The following CSMD1 variants were observed in gnomAD, a reference collection of about 807,000 sequenced individuals.
The protein encoded by CSMD1 is CUB and sushi domain-containing protein 1.
In CSMD1, 213 loss-of-function variants were observed where a neutral mutation model predicts 417.5. That is an observed-to-expected ratio of 0.51 (90% CI 0.46 to 0.57). The LOEUF (loss-of-function observed/expected upper bound fraction) is 0.57, where lower values mean the gene tolerates loss of function less well. Ranked by LOEUF, CSMD1 falls within the 20% of genes least tolerant of loss-of-function variation. CSMD1 has a pLI of 0.00. For synonymous variants in CSMD1, 2,862 were observed against 1,736.8 expected (o/e 1.65, Z -16.11); for missense variants, 6,923 against 4,529.7 (o/e 1.53, Z -15.17).
intron 49 of CSMD1, among the ~76,000 whole-genome samples, chr8:3,077,736 C>T (rs1353795904): frequency 6.6e-6 from 1 of 152,244 alleles, no homozygotes; most frequent in Non-Finnish European, 1.5e-5. Context: ...AGCTGCTCTT[C>T]TTTCTGCCAG....
chr8:4,409,971 G>A lies in CSMD1; in HGVS notation c.415+9982C>T, dbSNP rs552092982. 4.3e-4 allele frequency among the ~76,000 whole-genome samples: 65 copies of A among 151,996 alleles called. 1 individual carries two copies. The highest frequency in any genetic ancestry group is 3.8e-3 in the Admixed American group (58 of 15,232). ...TGGGATTACAGGCACCCGCCACTAC[G>A]CCCAGCAAATTTTTGTATTTTTAGT... On this transcript the variant is annotated intron_variant, in intron 3 of 69. Transcript: ENST00000635120.
At chr8:4,603,921 T>C (rs769544552) in intron 2 of CSMD1, among the ~76,000 whole-genome samples, 2 of 152,142 alleles carry the variant, frequency 1.3e-5, no homozygotes, top group Non-Finnish European at 2.9e-5. Flanking sequence ...TGGGATATGA[T>C]TGTATTTGTA....
intron 2 of CSMD1, among the ~76,000 whole-genome samples, chr8:4,539,914 G>A (rs1401711394): frequency 6.6e-6 from 1 of 152,048 alleles, no homozygotes; most frequent in Non-Finnish European, 1.5e-5. Flanking sequence ...GAAATCTCAG[G>A]GCTGGATTTC....
intron 3 of CSMD1, among the ~76,000 whole-genome samples, chr8:4,230,479 T>C (rs1467953476): frequency 6.6e-6 from 1 of 152,196 alleles, no homozygotes; most frequent in Admixed American, 6.5e-5. Context: ...TATTAAACTC[T>C]GCTCAAAGTA....
At chr8:3,154,130 G>C (rs970032413) in intron 39 of CSMD1, among the ~76,000 whole-genome samples, 1 of 152,052 alleles carries the variant, frequency 6.6e-6, no homozygotes, top group Non-Finnish European at 1.5e-5. Flanking sequence ...CTGCGACTAC[G>C]CCTGGCTAAT....
chr8:4,351,534 G>C (rs1369412678), intron 3 of CSMD1, among the ~76,000 whole-genome samples: 1 of 152,224 alleles, frequency 6.6e-6, no homozygotes, highest in African/African-American at 2.4e-5. Flanking sequence ...TGAGATTCAT[G>C]GAGGTAGAAA....
chr8:4,193,698 G>A (rs1037069509), intron 3 of CSMD1, among the ~76,000 whole-genome samples: 1 of 152,048 alleles, frequency 6.6e-6, no homozygotes, highest in Non-Finnish European at 1.5e-5. Context: ...GATAAAAATC[G>A]GCATTTCAAG....
intron 40 of CSMD1, among the ~76,000 whole-genome samples, chr8:3,147,897 T>C (rs1248179129): frequency 6.6e-6 from 1 of 152,240 alleles, no homozygotes; most frequent in Non-Finnish European, 1.5e-5. Flanking sequence ...TTGCGTGAAC[T>C]ACCTATCACA....
At chr8:4,303,356 C>T (rs1048832200) in intron 3 of CSMD1, among the ~76,000 whole-genome samples, 2 of 151,362 alleles carry the variant, frequency 1.3e-5, no homozygotes, top group Admixed American at 6.6e-5. Flanking sequence ...TCTTCCATCA[C>T]CAAAATCTTC....
chr8:3,854,123 C>T (rs1804124288), intron 5 of CSMD1, among the ~76,000 whole-genome samples: 1 of 141,368 alleles, frequency 7.1e-6, no homozygotes, highest in Admixed American at 7.2e-5. Flanking sequence ...ATATATTATA[C>T]TTATATATAT....
At chr8:3,999,534 A>G (rs1292838052) in intron 4 of CSMD1, among the ~76,000 whole-genome samples, 3 of 152,214 alleles carry the variant, frequency 2.0e-5, no homozygotes, top group Admixed American at 2.0e-4. Context: ...AGGGTGATAT[A>G]GGTCCCTTCA....
intron 2 of CSMD1, among the ~76,000 whole-genome samples, chr8:4,475,490 T>A (rs1477384154): frequency 6.6e-6 from 1 of 152,208 alleles, no homozygotes; most frequent in Non-Finnish European, 1.5e-5. Context: ...GAACCCAGAA[T>A]TGTGTTTTTT....
chr8:4,909,029 A>C (rs1805490175), intron 1 of CSMD1, among the ~76,000 whole-genome samples: 1 of 152,162 alleles, frequency 6.6e-6, no homozygotes, highest in Non-Finnish European at 1.5e-5. Context: ...TGGTTAATAA[A>C]AAATGTGATA....
chr8:4,273,011 C>T (rs919457311), intron 3 of CSMD1, among the ~76,000 whole-genome samples: 2 of 152,066 alleles, frequency 1.3e-5, no homozygotes, highest in African/African-American at 4.8e-5. Context: ...GCGTCATGTA[C>T]CTGACATTTC....
intron 1 of CSMD1, among the ~76,000 whole-genome samples, chr8:4,694,989 G>A (rs753191277): frequency 1.3e-4 from 19 of 151,730 alleles, no homozygotes; most frequent in East Asian, 3.9e-4. Context: ...ATTAAAATAC[G>A]AAGGTATTAA....
intron 11 of CSMD1, among the ~76,000 whole-genome samples, chr8:3,491,910 G>C (rs971228686): frequency 2.0e-5 from 3 of 152,192 alleles, no homozygotes; most frequent in Admixed American, 6.5e-5. Context: ...GAGTTTAAAA[G>C]GCGGGTCCAG....
chr8:3,217,898 A>G (rs908126894), intron 29 of CSMD1, among the ~76,000 whole-genome samples: 1 of 152,226 alleles, frequency 6.6e-6, no homozygotes, highest in Non-Finnish European at 1.5e-5. Flanking sequence ...GTAAATAAAT[A>G]TAAATATTTT....
chr8:4,041,553 C>T (rs1049581913), intron 3 of CSMD1, among the ~76,000 whole-genome samples: 13 of 152,104 alleles, frequency 8.5e-5, no homozygotes, highest in African/African-American at 3.1e-4. Flanking sequence ...CAAAAATATT[C>T]AGCACCTGTC....
intron 1 of CSMD1, among the ~76,000 whole-genome samples, chr8:4,888,477 A>T (rs548655585): frequency 6.6e-6 from 1 of 152,074 alleles, no homozygotes; most frequent in African/African-American, 2.4e-5. Flanking sequence ...GTGTGTGAGC[A>T]CACATACAGA....
Sources: gnomAD v4.1 joint callset for allele counts (sites outside exome capture counted in the v4.1 genomes callset) on GRCh38, gnomAD v4.1.1 for gene constraint, MANE v1.5 for transcripts, NCBI Gene and HGNC (gene_info 2026-07-23, HGNC 2026-07-21) for gene names.